Variants in RUNDC3B observed in about 807,000 individuals in gnomAD.
RUNDC3B encodes RUN domain containing 3B.
In RUNDC3B, 33 loss-of-function variants were observed where a neutral mutation model predicts 58.4. The ratio of observed to expected loss-of-function variants is 0.56; its 90% CI spans 0.43 to 0.75. RUNDC3B has a LOEUF of 0.75. Ranked by LOEUF, RUNDC3B falls within the 30% of genes least tolerant of loss-of-function variation. The probability of loss-of-function intolerance (pLI) is 0.00; values close to 1 mark genes in which losing one functional copy is unlikely to be tolerated. For synonymous variants in RUNDC3B, 193 were observed against 195.2 expected (o/e 0.99, Z 0.10); for missense variants, 501 against 535.7 (o/e 0.94, Z 0.64).
chr7:87,819,033 CCCAGCGA>C (rs1165108471), intron 10 of RUNDC3B, among the ~76,000 whole-genome samples: 3 of 152,120 alleles, frequency 2.0e-5, no homozygotes, highest in African/African-American at 7.2e-5. Flanking sequence ...AGACCCCTGA[CCCAGCGA>C]CAGATGCATA....
chr7:87,635,327 G>T (rs1821658073), intron 1 of RUNDC3B, among the ~76,000 whole-genome samples: 1 of 152,076 alleles, frequency 6.6e-6, no homozygotes, highest in Admixed American at 6.5e-5. Flanking sequence ...AGTCACAGAG[G>T]GTCTTGAAGT....
intron 4 of RUNDC3B, among the ~76,000 whole-genome samples, chr7:87,711,178 T>G (rs1403586841): frequency 6.6e-6 from 1 of 151,706 alleles, no homozygotes; most frequent in East Asian, 1.9e-4. Flanking sequence ...AATACAACAT[T>G]AGCCAGGCAT....
chr7:87,739,149 A>C (rs1832166582), intron 4 of RUNDC3B, among the ~76,000 whole-genome samples: 1 of 152,026 alleles, frequency 6.6e-6, no homozygotes, highest in South Asian at 2.1e-4. Flanking sequence ...AATGATAACT[A>C]AAATGTAAAG....
intron 1 of RUNDC3B, among the ~76,000 whole-genome samples, chr7:87,645,525 A>T (rs1167238837): frequency 6.6e-6 from 1 of 152,176 alleles, no homozygotes; most frequent in East Asian, 1.9e-4. Flanking sequence ...TTTGATTTTT[A>T]ATTTTTATGT....
chr7:87,776,634 T>TCACA, intron 7 of RUNDC3B, among the ~76,000 whole-genome samples: 1 of 152,078 alleles, frequency 6.6e-6, no homozygotes, highest in Admixed American at 6.6e-5. Context: ...GTGAGTATTC[T>TCACA]TTAATTACTA....
chr7:87,720,493 A>G (rs1830811717), intron 4 of RUNDC3B, among the ~76,000 whole-genome samples: 1 of 152,036 alleles, frequency 6.6e-6, no homozygotes, highest in Admixed American at 6.6e-5. Context: ...ACTTCCACAA[A>G]TCTAAGCAAA....
At chr7:87,786,834 C>T (rs180736749) in intron 8 of RUNDC3B, among the ~76,000 whole-genome samples, 14 of 152,114 alleles carry the variant, frequency 9.2e-5, no homozygotes, top group African/African-American at 1.2e-4. Context: ...ATGATTCTGT[C>T]GTATTTCTGG....
chr7:87,763,818 A>T (rs1373846334), intron 6 of RUNDC3B, among the ~76,000 whole-genome samples: 1 of 151,722 alleles, frequency 6.6e-6, no homozygotes, highest in Non-Finnish European at 1.5e-5. Context: ...TGTTTTCTAG[A>T]TCCCTGACTA....
Position 87,628,637 on chromosome 7 carries a change from C to A in RUNDC3B, c.-187C>A. The stretch of plus-strand genomic sequence containing the variant: ...TGTGTGTGTGTGTGGAGCTCGGGTG[C>A]CAAGGGCGAGCCGTCAGTCCCCGGG... On this transcript the variant is annotated 5_prime_UTR_variant, in exon 1 of 11. Transcript: ENST00000394654. 28 of 315,406 alleles carry A rather than the reference C, an allele frequency of 8.9e-5. No homozygotes were observed. Among genetic ancestry groups the A allele is most frequent in the Middle Eastern group, 8.6e-4 (1 of 1,168 alleles). The allele number at this position is 315,406 out of a possible 1,614,324, so 19.5% of individuals were successfully genotyped here. A position where few individuals can be genotyped will look rare whatever the true frequency, so the allele number is the denominator to read the frequency against.
Position 87,829,947 on chromosome 7 carries a change from A to T in RUNDC3B, c.1288A>T (p.Lys430Ter). Reference sequence around the variant, plus strand: ...ATCTCTAACGTCAGTGGCAAGTTACAAGTCTCTAACAAGCTTAAAATCTAA... The same window carrying T: ...ATCTCTAACGTCAGTGGCAAGTTACTAGTCTCTAACAAGCTTAAAATCTAA... ...CGSLTSVASY[K>*]SLTSLKSNDY... is the part of the protein sequence containing the mutation. Residue 430 changes from lysine to a stop codon, truncating the protein, a stop_gained, in exon 11 of 11, where the codon AAG (lysine) becomes TAG (stop). Transcript: ENST00000394654. LOFTEE classifies it high-confidence loss of function. 1 of 1,609,094 alleles carries T rather than the reference A, an allele frequency of 6.2e-7. No individual in the cohort carries two copies.
intron 4 of RUNDC3B, among the ~76,000 whole-genome samples, chr7:87,711,772 T>C (rs1012371709): frequency 1.3e-5 from 2 of 152,164 alleles, no homozygotes; most frequent in Admixed American, 6.5e-5. Flanking sequence ...GGTAACCCAA[T>C]TGGACAGATT....
intron 3 of RUNDC3B, among the ~76,000 whole-genome samples, chr7:87,702,569 C>T (rs1336161602): frequency 6.6e-6 from 1 of 152,150 alleles, no homozygotes; most frequent in Non-Finnish European, 1.5e-5. Flanking sequence ...GTTGAGTCAC[C>T]ATGACCAACT....
chr7:87,728,778 C>G (rs1563167204), intron 4 of RUNDC3B, among the ~76,000 whole-genome samples: 2 of 152,174 alleles, frequency 1.3e-5, no homozygotes, highest in Non-Finnish European at 2.9e-5. Context: ...CATTATGCTA[C>G]CTACTACATC....
intron 8 of RUNDC3B, among the ~76,000 whole-genome samples, chr7:87,796,120 A>C (rs1203910165): frequency 6.6e-6 from 1 of 152,226 alleles, no homozygotes; most frequent in Non-Finnish European, 1.5e-5. Context: ...AGTACTATTC[A>C]GCCATAAAGA....
chr7:87,772,277 A>G (rs1383469911), intron 7 of RUNDC3B, among the ~76,000 whole-genome samples: 3 of 152,202 alleles, frequency 2.0e-5, no homozygotes, highest in Non-Finnish European at 4.4e-5. Flanking sequence ...TTTAACAATC[A>G]GTTCTCGAGA....
At chr7:87,755,531 A>C (rs1325782719) in intron 6 of RUNDC3B, among the ~76,000 whole-genome samples, 3 of 152,214 alleles carry the variant, frequency 2.0e-5, no homozygotes, top group Admixed American at 6.5e-5. Flanking sequence ...CACGTCAAAA[A>C]GCTAATCCAC....
intron 2 of RUNDC3B, chr7:87,659,139 G>A: frequency 2.7e-6 from 1 of 372,540 alleles, no homozygotes; most frequent in South Asian, 2.1e-5. Context: ...TCTAGCCTGG[G>A]CAATAGAATG....
At chr7:87,784,791 C>T (rs1343578410) in intron 8 of RUNDC3B, among the ~76,000 whole-genome samples, 1 of 151,630 alleles carries the variant, frequency 6.6e-6, no homozygotes, top group Non-Finnish European at 1.5e-5. Flanking sequence ...TACCCCCTCA[C>T]TAAGTCTGTT....
chr7:87,743,709 A>T (rs1452066797), intron 6 of RUNDC3B, among the ~76,000 whole-genome samples: 2 of 151,852 alleles, frequency 1.3e-5, no homozygotes, highest in African/African-American at 4.8e-5. Flanking sequence ...TAGATTCTGG[A>T]TATTAGTCCT....
Sources: gnomAD v4.1 joint callset for allele counts (sites outside exome capture counted in the v4.1 genomes callset) on GRCh38, gnomAD v4.1.1 for gene constraint, MANE v1.5 for transcripts, NCBI Gene and HGNC (gene_info 2026-07-23, HGNC 2026-07-21) for gene names.